PPFIA2: variants seen among roughly 807,000 people sequenced by gnomAD.
PPFIA2 encodes liprin-alpha-2.
A neutral mutation model predicts 175.5 loss-of-function variants in PPFIA2; 46 were observed. The observed-to-expected ratio is 0.26, with a 90% CI of 0.21 to 0.34. PPFIA2 has a LOEUF of 0.34. Among genes scored for constraint, PPFIA2 ranks in the 10% least tolerant of loss-of-function variants. The pLI is 1.00. For synonymous variants in PPFIA2, 568 were observed against 511.4 expected (o/e 1.11, Z -1.49); for missense variants, 1,179 against 1,506.1 (o/e 0.78, Z 3.60).
intron 24 of PPFIA2, among the ~76,000 whole-genome samples, chr12:81,290,420 T>C (rs546704391): frequency 1.2e-3 from 175 of 151,938 alleles, no homozygotes; most frequent in African/African-American, 4.0e-3. Flanking sequence ...AATGCTACCA[T>C]GTAGAGTGAG....
At chr12:81,638,243 A>C (rs1460254355) in intron 4 of PPFIA2, among the ~76,000 whole-genome samples, 1 of 152,148 alleles carries the variant, frequency 6.6e-6, no homozygotes, top group Non-Finnish European at 1.5e-5. Context: ...ATGACTTGAA[A>C]ATCTACTCAA....
At chr12:81,596,016 C>A (rs2059204509) in intron 4 of PPFIA2, among the ~76,000 whole-genome samples, 1 of 152,068 alleles carries the variant, frequency 6.6e-6, no homozygotes, top group Admixed American at 6.6e-5. Flanking sequence ...AAAATTTAAT[C>A]ATTTTCTCAA....
At chr12:81,470,522 G>A (rs140184106) in intron 4 of PPFIA2, among the ~76,000 whole-genome samples, 378 of 152,186 alleles carry the variant, frequency 2.5e-3, no homozygotes, top group Non-Finnish European at 4.5e-3. Flanking sequence ...TTTCTCAAGC[G>A]GTAAAACATA....
intron 4 of PPFIA2, among the ~76,000 whole-genome samples, chr12:81,561,946 A>C (rs2070194024): frequency 6.6e-6 from 1 of 152,220 alleles, no homozygotes; most frequent in South Asian, 2.1e-4. Flanking sequence ...CAAAATTCTA[A>C]CTAGACTTTC....
intron 4 of PPFIA2, among the ~76,000 whole-genome samples, chr12:81,609,668 T>C (rs1250060702): frequency 6.6e-6 from 1 of 152,168 alleles, no homozygotes; most frequent in African/African-American, 2.4e-5. Flanking sequence ...GTGGGTGTTG[T>C]TACATGTGAA....
chr12:81,465,723 G>T (rs1234954801), intron 4 of PPFIA2, among the ~76,000 whole-genome samples: 2 of 151,900 alleles, frequency 1.3e-5, no homozygotes, highest in South Asian at 2.1e-4. Flanking sequence ...TTCTAGAACC[G>T]ATTAATAACA....
chr12:81,538,145 C>G (rs1260728036), intron 4 of PPFIA2, among the ~76,000 whole-genome samples: 1 of 151,856 alleles, frequency 6.6e-6, no homozygotes, highest in Admixed American at 6.6e-5. Flanking sequence ...AACTTGTTTC[C>G]TCCCTTGCAA....
At chr12:81,414,802 C>T (rs187825448) in intron 7 of PPFIA2, among the ~76,000 whole-genome samples, 2 of 151,560 alleles carry the variant, frequency 1.3e-5, no homozygotes, top group East Asian at 1.9e-4. Context: ...TAGGGATTTA[C>T]AATTTAAACT....
At chr12:81,507,443 G>C (rs528333343) in intron 4 of PPFIA2, among the ~76,000 whole-genome samples, 1 of 152,006 alleles carries the variant, frequency 6.6e-6, no homozygotes. Context: ...CTGAGAAATT[G>C]TTTTTAATTG....
chr12:81,527,037 T>C (rs2063810492), intron 4 of PPFIA2, among the ~76,000 whole-genome samples: 1 of 152,110 alleles, frequency 6.6e-6, no homozygotes, highest in South Asian at 2.1e-4. Flanking sequence ...AATTGTAAAG[T>C]GGTGATGGCA....
chr12:81,277,290 A>T (rs2040764671), intron 28 of PPFIA2, 27 bp downstream of exon 28: 1 of 1,514,784 alleles, frequency 6.6e-7, no homozygotes, highest in African/African-American at 1.4e-5. Flanking sequence ...GAATAAAGGC[A>T]TTTCATATGA....
chr12:81,611,430 G>A (rs927993964), intron 4 of PPFIA2, among the ~76,000 whole-genome samples: 1 of 152,108 alleles, frequency 6.6e-6, no homozygotes, highest in Non-Finnish European at 1.5e-5. Flanking sequence ...CAGCCCTGGG[G>A]AACCAGGACA....
intron 3 of PPFIA2, among the ~76,000 whole-genome samples, chr12:81,711,233 A>G (rs1253097190): frequency 6.6e-6 from 1 of 151,368 alleles, no homozygotes; most frequent in African/African-American, 2.4e-5. Context: ...GTCTCAAAAA[A>G]TAAAAATAAA....
Position 81,346,796 on chromosome 12 carries a change from C to A in PPFIA2, c.2232+737G>T, listed in dbSNP as rs570453866. ...AAAACTCTATCTTGGTGTATTGAAG[C>A]AATTATAATACTAAGTTTTGTTACT... On this transcript the variant is annotated intron_variant, in intron 18 of 32. Transcript: ENST00000549396. Among the ~76,000 whole-genome samples the A allele has an allele frequency of 2.0e-5, 3 of 151,534 alleles. No homozygotes were observed. In the South Asian group the frequency reaches 6.3e-4, roughly 32 times the overall value.
At chr12:81,695,741 T>C (rs917706655) in intron 3 of PPFIA2, among the ~76,000 whole-genome samples, 2 of 152,186 alleles carry the variant, frequency 1.3e-5, no homozygotes, top group Non-Finnish European at 2.9e-5. Flanking sequence ...AATAAAAATA[T>C]AGTTTCATTA....
chr12:81,640,748 A>C (rs2064853034), intron 4 of PPFIA2, among the ~76,000 whole-genome samples: 1 of 152,176 alleles, frequency 6.6e-6, no homozygotes, highest in South Asian at 2.1e-4. Context: ...TATAAATCCT[A>C]AAAATAATAA....
chr12:81,478,250 C>T (rs1305610472), intron 4 of PPFIA2, among the ~76,000 whole-genome samples: 2 of 151,956 alleles, frequency 1.3e-5, no homozygotes, highest in Non-Finnish European at 2.9e-5. Flanking sequence ...GGGATCAGTA[C>T]TGATATCTCC....
chr12:81,553,029 T>C (rs922888567), intron 4 of PPFIA2, among the ~76,000 whole-genome samples: 17 of 151,594 alleles, frequency 1.1e-4, no homozygotes, highest in Non-Finnish European at 2.2e-4. Flanking sequence ...GATTTTTTTT[T>C]CCCCCTAATG....
chr12:81,271,421 C>T lies in PPFIA2; in HGVS notation c.3311-3334G>A, dbSNP rs2039074676. Among the ~76,000 whole-genome samples, 4 of 152,116 alleles carry T rather than the reference C, an allele frequency of 2.6e-5. No homozygotes were observed. In the South Asian group the frequency reaches 8.3e-4, roughly 32 times the overall value. On this transcript the variant is annotated intron_variant, in intron 28 of 32. Transcript: ENST00000549396. ...AAGTAGCTGGGACTACAGGCATGCGCCACCACACCTGGCTAATTTTGTATT... is the reference window on the plus strand; with the variant it reads ...AAGTAGCTGGGACTACAGGCATGCGTCACCACACCTGGCTAATTTTGTATT...
Sources: allele counts gnomAD v4.1 joint callset (sites outside exome capture counted in the v4.1 genomes callset), GRCh38; gene constraint gnomAD v4.1.1; transcripts MANE v1.5; gene names NCBI Gene and HGNC (gene_info 2026-07-23, HGNC 2026-07-21).